The following TTN variants were observed in gnomAD, a reference collection of about 807,000 sequenced individuals.
TTN encodes the protein titin, also known as connectin.
Under a neutral mutation model 3,223.0 loss-of-function variants are expected in TTN, and 1,525 were observed. The ratio of observed to expected loss-of-function variants is 0.47; its 90% CI spans 0.45 to 0.49. The LOEUF is 0.49. TTN is among the 20% of genes least tolerant of loss of function. The probability of loss-of-function intolerance (pLI) is 0.00; values close to 1 mark genes in which losing one functional copy is unlikely to be tolerated. For synonymous variants in TTN, 14,094 were observed against 15,161.0 expected, an observed-to-expected ratio of 0.93 and a Z score of 5.17; for missense variants, 40,786 against 43,424.0, an observed-to-expected ratio of 0.94 and a Z score of 5.40.
At chr2:178,618,553 C>T (rs2154209697) in intron 251 of TTN, 31 bp downstream of exon 251, 1 of 1,607,170 alleles carries the variant, frequency 6.2e-7, no homozygotes, top group African/African-American at 1.3e-5. Context: ...TTGTGCTTTG[C>T]CAATTAAGTC....
In TTN at chr2:178,591,512, G is replaced by A. The variant is rs1362866017; in HGVS notation, c.60221-8C>T. ...GCTCCACGGATGGAGGCACTGAAAAGTAAACATGAAAAAATTAGATTTTGA... is the reference window on the plus strand; with the variant it reads ...GCTCCACGGATGGAGGCACTGAAAAATAAACATGAAAAAATTAGATTTTGA... On this transcript the variant is annotated splice_region_variant and splice_polypyrimidine_tract_variant and intron_variant, in intron 303 of 362. Transcript: ENST00000589042. The A allele has an allele frequency of 6.3e-7, 1 of 1,583,390 alleles. No individual in the cohort carries two copies. The highest frequency in any genetic ancestry group is 8.5e-7 in the Non-Finnish European group (1 of 1,171,334).
chr2:178,529,891 G>C, intron 359 of TTN, 69 bp downstream of exon 359: 6 of 1,465,722 alleles, frequency 4.1e-6, no homozygotes, highest in Non-Finnish European at 3.7e-6. Flanking sequence ...ATATAAGGGG[G>C]GATGTTTGAA....
At position 178,665,458 on chromosome 2, in the gene TTN, G is replaced by A; in HGVS notation, c.35962C>T (p.Pro11988Ser). 1 of 1,611,970 alleles carries A rather than the reference G, an allele frequency of 6.2e-7. No individual in the cohort carries two copies. The highest frequency in any genetic ancestry group is 8.5e-7 in the Non-Finnish European group (1 of 1,179,328). Residue 11988 changes from proline to serine, a missense_variant and splice_region_variant, in exon 165 of 363, where the codon CCA becomes TCA. Coordinates refer to ENST00000589042, the MANE Select transcript of TTN (RefSeq NM_001267550.2). ...GGGACAACTTCTTTCATAGCTTCTG[G>A]TGCTTTGAAGATATTAGTATTATGG... Reference protein sequence around the residue: ...LEIEIPPTKAPEAMKEVVPEM... With the variant: ...LEIEIPPTKASEAMKEVVPEM...
In TTN at chr2:178,714,977, C is replaced by A; in HGVS notation, c.26200+9G>T. 3 of 1,597,616 alleles carry A rather than the reference C, an allele frequency of 1.9e-6. No homozygotes were observed. The highest frequency in any genetic ancestry group is 2.6e-6 in the Non-Finnish European group (3 of 1,171,424). ...AGTAGTGAGCAGAAGTGAATGCAGT[C>A]CATCTAACCTTTGAGAGCGATGGAA... On this transcript the variant is annotated intron_variant, in intron 90 of 362. Coordinates refer to ENST00000589042, the MANE Select transcript of TTN (RefSeq NM_001267550.2).
chr2:178,794,954 C>T lies in TTN; in HGVS notation c.1213G>A (p.Ala405Thr), dbSNP rs112266780. 139 of 1,604,320 alleles carry T rather than the reference C, an allele frequency of 8.7e-5. No homozygotes were observed. In the East Asian group the frequency reaches 2.5e-3, roughly 29 times the overall value. The change falls in exon 7 of 363, where the codon GCA (alanine) becomes ACA (threonine). Residue 405 changes from alanine to threonine, a missense_variant. Ala to Thr is a moderately conservative substitution (Grantham distance 58). Transcript: ENST00000589042. ...GCACCAGTGGCAACAGCCTCTGCTG[C>T]GTAGCTAGCACTGGCCGACACACTG... The part of the protein sequence containing the change: ...AASVSASASY[A>T]AEAVATGAKE...
intron 241 of TTN, 86 bp from the exon 242 acceptor site, chr2:178,624,817 A>G (rs1189627276): frequency 2.0e-6 from 3 of 1,495,184 alleles, no homozygotes; most frequent in Non-Finnish European, 2.7e-6. Flanking sequence ...TGCCATCTCC[A>G]GGGCTTTGTT....
At position 178,563,937 on chromosome 2, in the gene TTN, C is replaced by T; in HGVS notation, c.82195G>A (p.Gly27399Ser). 2 of 1,613,676 alleles carry T rather than the reference C, an allele frequency of 1.2e-6. No individual in the cohort carries two copies. Among genetic ancestry groups the T allele is most frequent in the Middle Eastern group, 1.7e-4 (1 of 6,056 alleles). Residue 27399 changes from glycine (G) to serine (S), a missense_variant, in exon 326 of 363, where the codon GGT becomes AGT. Physicochemically the swap from Gly to Ser is moderately conservative, Grantham distance 56 (BLOSUM62 0). Coordinates refer to ENST00000589042, the MANE Select transcript of TTN (RefSeq NM_001267550.2). This position sits in a 1 kb window ranked among gnomAD's most constrained non-coding sequence, Gnocchi z 4.5. The stretch of plus-strand genomic sequence containing the variant: ...ATGATGTAATGTGAAATATTAGCAC[C>T]ACCATCTTGCAAAGGTGGGTTCCAT... ...LAWNPPLQDG[G>S]ANISHYIIEK...
In TTN at chr2:178,566,223, C is replaced by T. The variant is rs375605062; in HGVS notation, c.79909G>A (p.Val26637Ile). 24 of 1,613,540 alleles carry T rather than the reference C, an allele frequency of 1.5e-5. No homozygotes were observed. The highest frequency in any genetic ancestry group is 2.0e-5 in the Non-Finnish European group (24 of 1,179,694). Reference protein sequence around the residue: ...SREEGEFTDKVQIEKGVNYTQ... With the variant: ...SREEGEFTDKIQIEKGVNYTQ... ...TAGTTTACTCCCTTTTCAATTTGGACCTTATCTGTGAATTCACCTTCCTCT... is the reference window on the plus strand; with the variant it reads ...TAGTTTACTCCCTTTTCAATTTGGATCTTATCTGTGAATTCACCTTCCTCT... The change falls in exon 326 of 363, where the codon GTC becomes ATC. Residue 26637 changes from valine to isoleucine, a missense_variant. Val to Ile is a conservative substitution (Grantham distance 29). Coordinates refer to ENST00000589042, the MANE Select transcript of TTN (RefSeq NM_001267550.2).
At position 178,773,656 on chromosome 2, in the gene TTN, T is replaced by C. The variant is rs1184349328; in HGVS notation, c.7400A>G (p.Lys2467Arg). 1 of 1,614,044 alleles carries C rather than the reference T, an allele frequency of 6.2e-7. No individual in the cohort carries two copies. The highest frequency in any genetic ancestry group is 1.1e-5 in the South Asian group (1 of 91,074). Residue 2467 changes from lysine to arginine, a missense_variant, in exon 32 of 363, where the codon AAG (lysine) becomes AGG (arginine). By Grantham distance (26) the Lys-to-Arg change is conservative (BLOSUM62 2). Coordinates refer to ENST00000589042, the MANE Select transcript of TTN (RefSeq NM_001267550.2). ...AGAAGTCACATCAGGGACTGACACCTTACATTCAAGCACAGCCTTGGTGCC... is the reference window on the plus strand; with the variant it reads ...AGAAGTCACATCAGGGACTGACACCCTACATTCAAGCACAGCCTTGGTGCC... ...IEGTKAVLEC[K>R]VSVPDVTSVK...
intron 34 of TTN, 182 bp from the exon 35 acceptor site, chr2:178,770,857 G>A: frequency 1.1e-6 from 1 of 874,192 alleles, no homozygotes; most frequent in Non-Finnish European, 1.9e-6. Context: ...GGATCCAACT[G>A]GACATGTACA....
chr2:178,540,412 A>T, intron 350 of TTN, 42 bp from the exon 351 acceptor site: 1 of 1,512,828 alleles, frequency 6.6e-7, no homozygotes, highest in African/African-American at 1.4e-5. Context: ...AGTTGCTGCA[A>T]AGTTGAAAAT....
intron 143 of TTN, 36 bp from the exon 144 acceptor site, chr2:178,678,533 A>G: frequency 6.9e-7 from 1 of 1,453,622 alleles, no homozygotes; most frequent in South Asian, 1.3e-5. Context: ...ATTTTATACG[A>G]CATAAAAATA....
Position 178,546,600 on chromosome 2 carries a change from C to T in TTN, c.94828G>A (p.Ala31610Thr), listed in dbSNP as rs141357723. 3.5e-5 allele frequency: 57 copies of T among 1,606,122 alleles called. No individual in the cohort carries two copies. The East Asian group carries it at 8.3e-4, about 23-fold the overall frequency. ...AAGGAGAATGTTGACTATTTCCTAC[C>T]GTATTCATCTCGGCAAGTGACAGGG... Reference protein sequence around the residue: ...TGPVTCRDEYAPPKAELDARL... With the variant: ...TGPVTCRDEYTPPKAELDARL... The change falls in exon 341 of 363, where the codon GCT (alanine) becomes ACT (threonine). Residue 31610 changes from alanine (A) to threonine (T), a missense_variant and splice_region_variant. By Grantham distance (58) the Ala-to-Thr change is moderately conservative. Transcript: ENST00000589042.
intron 15 of TTN, 46 bp from the exon 16 acceptor site, chr2:178,784,397 C>T (rs766083868): frequency 8.1e-6 from 13 of 1,605,014 alleles, no homozygotes; most frequent in South Asian, 2.2e-5. Context: ...AACCATCCTC[C>T]GATGGCTAGC....
At position 178,646,005 on chromosome 2, in the gene TTN, C is replaced by T. The variant is rs748947621; in HGVS notation, c.40323G>A (p.Glu13441=). 14 of 1,573,196 alleles carry T rather than the reference C, an allele frequency of 8.9e-6. No homozygotes were observed. The highest frequency in any genetic ancestry group is 1.2e-5 in the Non-Finnish European group (14 of 1,163,794). The change falls in exon 217 of 363, where the codon GAG becomes GAA. Residue 13441 remains glutamate, a synonymous_variant. Transcript: ENST00000589042. ...VKEPEPEKVI[E]KPKLKPRPPP... ...GGGGTCTTGGTTTGAGTTTTGGCTT[C>T]TCAATAACCTTTTCAGGTTCAGGTT...
In TTN at chr2:178,717,205, G is replaced by A; in HGVS notation, c.25529C>T (p.Thr8510Ile). The A allele has an allele frequency of 6.2e-7, 1 of 1,613,674 alleles. No homozygotes were observed. The highest frequency in any genetic ancestry group is 8.5e-7 in the Non-Finnish European group (1 of 1,179,674). The change falls in exon 88 of 363, where the codon ACT becomes ATT. Residue 8510 changes from threonine to isoleucine, a missense_variant. Transcript: ENST00000589042. ...TACTTTGAGAACTGTCAGAGTGGCA[G>A]TATTTTCTACCAAAGTCATCTTGTA... ...GNYKMTLVENTATLTVLKVGK... is the reference protein window; with the variant it reads ...GNYKMTLVENIATLTVLKVGK...
chr2:178,740,669 G>A lies in TTN; in HGVS notation c.12564C>T (p.Ala4188=), dbSNP rs547338168. ...LSDTEKIFPS[A]MSIEQINSLT... is the part of the protein sequence containing the mutation. ...ATGAATTAATTTGTTCTATGGACAT[G>A]GCACTTGGGAAGATTTTCTCGGTAT... Residue 4188 remains alanine, a synonymous_variant, in exon 48 of 363, where the codon GCC becomes GCT. Transcript: ENST00000589042. 1.2e-5 allele frequency: 19 copies of A among 1,613,800 alleles called. 1 individual carries two copies. In the African/African-American group the frequency reaches 2.3e-4, roughly 19 times the overall value.
In TTN at chr2:178,592,664, G is replaced by A; in HGVS notation, c.59345-4C>T. 1 of 1,612,486 alleles carries A rather than the reference G, an allele frequency of 6.2e-7. No homozygotes were observed. Among genetic ancestry groups the A allele is most frequent in the African/African-American group, 1.3e-5 (1 of 74,908 alleles). On this transcript the variant is annotated splice_polypyrimidine_tract_variant and splice_region_variant and intron_variant, in intron 300 of 362. Coordinates refer to ENST00000589042, the MANE Select transcript of TTN (RefSeq NM_001267550.2). ...TCAAGAATCAACTCAGGGGGTTCTAGAATAAAGAGAACAGAACACTCAGAT... is the reference window on the plus strand; with the variant it reads ...TCAAGAATCAACTCAGGGGGTTCTAAAATAAAGAGAACAGAACACTCAGAT...
chr2:178,550,715 A>T (rs960077158), intron 336 of TTN: 26 of 501,548 alleles, frequency 5.2e-5, no homozygotes, highest in Non-Finnish European at 7.0e-5. Flanking sequence ...AGTGGCGAAA[A>T]TTACAAAGCT....
Sources: allele counts gnomAD v4.1 joint callset, GRCh38; gene constraint gnomAD v4.1.1; non-coding constraint Gnocchi (gnomAD v3.1); transcripts MANE v1.5; gene names NCBI Gene and HGNC (gene_info 2026-07-23, HGNC 2026-07-21).